DGKB: variants seen among roughly 807,000 people sequenced by gnomAD.
DGKB encodes 90 kDa diacylglycerol kinase.
DGKB carries 67 observed loss-of-function variants against 114.3 expected under a neutral mutation model. The observed-to-expected ratio is 0.59, with a 90% CI of 0.48 to 0.72. The LOEUF is 0.72. Ranked by LOEUF, DGKB falls within the 30% of genes least tolerant of loss-of-function variation. DGKB has a pLI of 0.00. For synonymous variants in DGKB, 398 were observed against 323.1 expected, an observed-to-expected ratio of 1.23 and a Z score of -2.49; for missense variants, 907 against 975.2, an observed-to-expected ratio of 0.93 and a Z score of 0.93.
intron 21 of DGKB, among the ~76,000 whole-genome samples, chr7:14,364,554 TAG>T (rs1816325845): frequency 2.0e-5 from 3 of 152,068 alleles, no homozygotes; most frequent in Non-Finnish European, 4.4e-5. Flanking sequence ...TGCTAATACT[TAG>T]GTAAAATCAT....
intron 21 of DGKB, among the ~76,000 whole-genome samples, chr7:14,381,419 A>T (rs1346610938): frequency 6.6e-6 from 1 of 152,152 alleles, no homozygotes; most frequent in Non-Finnish European, 1.5e-5. Flanking sequence ...ACTGCTTGGC[A>T]TGTACTATTT....
intron 13 of DGKB, among the ~76,000 whole-genome samples, chr7:14,640,707 T>G (rs891880175): frequency 6.6e-6 from 1 of 152,178 alleles, no homozygotes; most frequent in Non-Finnish European, 1.5e-5. Flanking sequence ...AAAAGTTATA[T>G]GTGACTTAAT....
At chr7:14,490,805 T>C (rs1435393430) in intron 20 of DGKB, among the ~76,000 whole-genome samples, 1 of 152,156 alleles carries the variant, frequency 6.6e-6, no homozygotes, top group Non-Finnish European at 1.5e-5. Context: ...GTCAGTGAAT[T>C]CTGTAATGGC....
intron 23 of DGKB, among the ~76,000 whole-genome samples, chr7:14,253,876 G>A (rs549318439): frequency 6.6e-6 from 1 of 152,092 alleles, no homozygotes; most frequent in Non-Finnish European, 1.5e-5. Context: ...TTATGACTAG[G>A]TTAATAAGAT....
chr7:14,744,972 A>G (rs750228441), intron 4 of DGKB, among the ~76,000 whole-genome samples: 44 of 152,198 alleles, frequency 2.9e-4, no homozygotes, highest in Non-Finnish European at 2.1e-4. Context: ...CTGAGCAGTT[A>G]TCCTGCTAAT....
intron 23 of DGKB, among the ~76,000 whole-genome samples, chr7:14,303,136 A>C (rs1803849917): frequency 6.6e-6 from 1 of 152,162 alleles, no homozygotes; most frequent in Non-Finnish European, 1.5e-5. Flanking sequence ...ACGTCTTTTT[A>C]TGGCAACACC....
At chr7:14,179,422 C>T (rs1782294199) in intron 23 of DGKB, among the ~76,000 whole-genome samples, 1 of 152,038 alleles carries the variant, frequency 6.6e-6, no homozygotes, top group African/African-American at 2.4e-5. Context: ...AGCAGAAAAA[C>T]TAGAGGAGTG....
intron 2 of DGKB, among the ~76,000 whole-genome samples, chr7:14,782,504 G>T (rs767362647): frequency 1.3e-5 from 2 of 151,816 alleles, no homozygotes; most frequent in African/African-American, 4.8e-5. Context: ...TCTGTCCTTT[G>T]CTCTAGGCAT....
intron 23 of DGKB, among the ~76,000 whole-genome samples, chr7:14,271,232 T>C (rs1369624235): frequency 6.6e-6 from 1 of 152,180 alleles, no homozygotes; most frequent in Non-Finnish European, 1.5e-5. Context: ...AATCTGAACT[T>C]CCATTCAAAG....
chr7:14,483,826 A>C (rs576388432), intron 20 of DGKB, among the ~76,000 whole-genome samples: 1 of 152,280 alleles, frequency 6.6e-6, no homozygotes, highest in South Asian at 2.1e-4. Flanking sequence ...ACCAGAAGCC[A>C]AGAGCCACAA....
intron 21 of DGKB, among the ~76,000 whole-genome samples, chr7:14,460,614 A>G (rs2128867617): frequency 6.6e-6 from 1 of 152,270 alleles, no homozygotes; most frequent in Non-Finnish European, 1.5e-5. Context: ...GCAAGCTCTT[A>G]GAGACCTACA....
intron 4 of DGKB, among the ~76,000 whole-genome samples, chr7:14,743,114 A>C (rs1832791643): frequency 6.6e-6 from 1 of 152,206 alleles, no homozygotes; most frequent in Non-Finnish European, 1.5e-5. Flanking sequence ...GGTTTTTAAG[A>C]ATCTTACCTC....
At chr7:14,451,633 T>A (rs544942464) in intron 21 of DGKB, among the ~76,000 whole-genome samples, 1 of 151,996 alleles carries the variant, frequency 6.6e-6, no homozygotes, top group East Asian at 1.9e-4. Context: ...TCCTATGTTA[T>A]AAGAAACTGT....
chr7:14,894,195 A>G (rs1781742197), intron 1 of DGKB, among the ~76,000 whole-genome samples: 2 of 151,452 alleles, frequency 1.3e-5, no homozygotes, highest in African/African-American at 4.8e-5. Context: ...CCTAAAATAA[A>G]AAACTGTTCA....
At chr7:14,209,908 A>G (rs182047583) in intron 23 of DGKB, among the ~76,000 whole-genome samples, 1,637 of 150,288 alleles carry the variant, frequency 0.011, 30 homozygotes, top group African/African-American at 0.038. Context: ...TTTTTTTTTT[A>G]ATGTTGAGCA....
At chr7:14,564,843 T>C (rs915228520) in intron 20 of DGKB, among the ~76,000 whole-genome samples, 5 of 152,270 alleles carry the variant, frequency 3.3e-5, no homozygotes, top group Admixed American at 3.3e-4. Context: ...GCATTTCCCA[T>C]GCCATCTTCT....
intron 1 of DGKB, among the ~76,000 whole-genome samples, chr7:14,971,552 A>G (rs751255511): frequency 6.6e-6 from 1 of 152,156 alleles, no homozygotes; most frequent in African/African-American, 2.4e-5. Flanking sequence ...TAACGGCAAG[A>G]CAGTCAATTG....
At chr7:14,545,178 A>C (rs997286620) in intron 20 of DGKB, among the ~76,000 whole-genome samples, 3 of 152,074 alleles carry the variant, frequency 2.0e-5, no homozygotes, top group African/African-American at 7.2e-5. Context: ...AGGCACCCTA[A>C]AAAAATGTTA....
rs1208218259 is a variant in DGKB at position 14,612,197 on chromosome 7, CAG to C, written c.1358+1141_1358+1142del. Among the ~76,000 whole-genome samples, 8 of 83,304 alleles carry C rather than the reference CAG, an allele frequency of 9.6e-5. No individual in the cohort carries two copies. The South Asian group carries it at 2.8e-3, about 29-fold the overall frequency. 54.7% of individuals were successfully genotyped at this position (83,304 alleles called of 152,430 possible). A position where few individuals can be genotyped will look rare whatever the true frequency, so the allele number is the denominator to read the frequency against. Reference sequence around the variant, plus strand: ...TTTATTTTATTTTATTTATTTGAGACAGAGTCTCACACGGTCACCTGGGCTGG... The same window carrying C: ...TTTATTTTATTTTATTTATTTGAGACAGTCTCACACGGTCACCTGGGCTGG... On this transcript the variant is annotated intron_variant, in intron 16 of 25. Transcript: ENST00000402815.
Sources: gnomAD v4.1 joint callset for allele counts (sites outside exome capture counted in the v4.1 genomes callset) on GRCh38, gnomAD v4.1.1 for gene constraint, MANE v1.5 for transcripts, NCBI Gene and HGNC (gene_info 2026-07-23, HGNC 2026-07-21) for gene names.